Variants in EYA2 observed in about 807,000 individuals in gnomAD.
EYA2 encodes the protein protein phosphatase EYA2.
A neutral mutation model predicts 69.2 loss-of-function variants in EYA2; 31 were observed. The ratio of observed to expected loss-of-function variants is 0.45; its 90% CI spans 0.34 to 0.60. EYA2 has a LOEUF of 0.60. Among genes scored for constraint, EYA2 ranks in the 20% least tolerant of loss-of-function variants. EYA2 has a pLI of 0.02. For missense variants in EYA2, 622 were observed against 701.2 expected, an observed-to-expected ratio of 0.89 and a Z score of 1.28; for synonymous variants, 257 against 279.4, an observed-to-expected ratio of 0.92 and a Z score of 0.80.
At chr20:46,997,229 TACTC>T (rs528120560) in intron 2 of EYA2, among the ~76,000 whole-genome samples, 13 of 152,240 alleles carry the variant, frequency 8.5e-5, no homozygotes, top group Admixed American at 3.3e-4. Context: ...TGATAAAACT[TACTC>T]ACTATCATGA....
At chr20:46,953,250 T>C (rs953128761) in intron 1 of EYA2, among the ~76,000 whole-genome samples, 2 of 152,128 alleles carry the variant, frequency 1.3e-5, no homozygotes, top group African/African-American at 4.8e-5. Context: ...TTAACCCCAC[T>C]TTACACATGG....
chr20:47,085,519 G>A (rs2031867457), intron 7 of EYA2, among the ~76,000 whole-genome samples: 1 of 151,964 alleles, frequency 6.6e-6, no homozygotes, highest in South Asian at 2.1e-4. Context: ...GGTGGTGCAT[G>A]CCTGTAATCC....
At chr20:46,952,523 G>A (rs1239325534) in intron 1 of EYA2, among the ~76,000 whole-genome samples, 1 of 152,202 alleles carries the variant, frequency 6.6e-6, no homozygotes, top group African/African-American at 2.4e-5. Flanking sequence ...CCTTTGTGCA[G>A]CTCTGTGCTT....
chr20:47,080,333 T>C (rs1233306007), intron 7 of EYA2, among the ~76,000 whole-genome samples: 1 of 151,316 alleles, frequency 6.6e-6, no homozygotes, highest in African/African-American at 2.4e-5. Flanking sequence ...GGAATGTCAT[T>C]AAAGCAGTAC....
intron 1 of EYA2, among the ~76,000 whole-genome samples, chr20:46,912,902 T>A (rs888833070): frequency 6.6e-6 from 1 of 151,272 alleles, no homozygotes; most frequent in African/African-American, 2.4e-5. Flanking sequence ...GGGTTTCACC[T>A]TGTTAGCCAG....
intron 1 of EYA2, among the ~76,000 whole-genome samples, chr20:46,908,541 T>G (rs1300049691): frequency 6.6e-6 from 1 of 152,160 alleles, no homozygotes; most frequent in East Asian, 1.9e-4. Context: ...AATTTAAAAA[T>G]GATTTTTCAA....
intron 9 of EYA2, among the ~76,000 whole-genome samples, chr20:47,137,341 G>A (rs2033500228): frequency 6.6e-6 from 1 of 152,160 alleles, no homozygotes; most frequent in Admixed American, 6.5e-5. Flanking sequence ...CTCAAGGAAG[G>A]GGACTGGGGG....
chr20:46,971,816 A>G (rs900147298), intron 1 of EYA2, among the ~76,000 whole-genome samples: 1 of 152,246 alleles, frequency 6.6e-6, no homozygotes, highest in Non-Finnish European at 1.5e-5. Flanking sequence ...TGATCCTTGT[A>G]TGTAACACTG....
At chr20:47,187,980 C>A in intron 15 of EYA2, 73 bp from the exon 16 acceptor site, 2 of 1,478,860 alleles carry the variant, frequency 1.4e-6, no homozygotes, top group Non-Finnish European at 1.8e-6. Flanking sequence ...TCTCACATGC[C>A]CTCTAACCAC....
intron 6 of EYA2, among the ~76,000 whole-genome samples, chr20:47,072,592 A>G (rs1212920981): frequency 6.6e-6 from 1 of 152,162 alleles, no homozygotes; most frequent in African/African-American, 2.4e-5. Flanking sequence ...GGGCTTCTCA[A>G]GGGGGACCGT....
intron 5 of EYA2, among the ~76,000 whole-genome samples, chr20:47,016,867 C>T (rs1290029327): frequency 6.6e-6 from 1 of 152,144 alleles, no homozygotes; most frequent in African/African-American, 2.4e-5. Flanking sequence ...TCACACATGG[C>T]CTTGAGGGAT....
chr20:46,895,215 C>G (rs1983738304), intron 1 of EYA2, among the ~76,000 whole-genome samples: 1 of 152,200 alleles, frequency 6.6e-6, no homozygotes, highest in Non-Finnish European at 1.5e-5. Flanking sequence ...CTCCCAGGCT[C>G]GGGGCCCCAG....
At chr20:47,091,808 A>T (rs1027073075) in intron 8 of EYA2, among the ~76,000 whole-genome samples, 1 of 152,200 alleles carries the variant, frequency 6.6e-6, no homozygotes, top group Non-Finnish European at 1.5e-5. Context: ...GGACAATGAG[A>T]GGAGGCCGTA....
intron 4 of EYA2, among the ~76,000 whole-genome samples, chr20:47,010,824 G>A (rs1345162420): frequency 1.4e-5 from 2 of 143,034 alleles, no homozygotes; most frequent in African/African-American, 5.3e-5. Flanking sequence ...GTCTTGCTGT[G>A]TCTCCCAGGT....
At chr20:47,186,639 G>T (rs6066228) in intron 15 of EYA2, among the ~76,000 whole-genome samples, 1 of 151,728 alleles carries the variant, frequency 6.6e-6, no homozygotes, top group African/African-American at 2.4e-5. Flanking sequence ...GATTACAGGC[G>T]TGAGCCACCA....
At chr20:47,148,073 A>G (rs998092418) in intron 10 of EYA2, among the ~76,000 whole-genome samples, 1 of 151,078 alleles carries the variant, frequency 6.6e-6, no homozygotes, top group Non-Finnish European at 1.5e-5. Flanking sequence ...AAAAAAAAAA[A>G]GAATAAAAAA....
chr20:46,908,870 CTT>C (rs56834738), intron 1 of EYA2, among the ~76,000 whole-genome samples: 89 of 47,564 alleles, frequency 1.9e-3, no homozygotes, highest in South Asian at 3.0e-3. Context: ...CTCTCCCGCA[CTT>C]TTTTTTTTTT....
In EYA2 at chr20:47,023,632, G is replaced by GTTTTTTT. The variant is rs60939329; in HGVS notation, c.415+7351_415+7357dup. Among the ~76,000 whole-genome samples, 542 of 90,004 alleles carry GTTTTTTT rather than the reference G, an allele frequency of 6.0e-3. 18 individuals are homozygous for GTTTTTTT. The highest frequency in any genetic ancestry group is 7.4e-3 in the Non-Finnish European group (342 of 46,312). The allele number at this position is 90,004 out of a possible 152,430, so 59.0% of individuals were successfully genotyped here. ...CATCTCCAGAAGTTTGATTTTGGGT[G>GTTTTTTT]TTTTTTTTTTTTTTTTTTTTTTGAA... On this transcript the variant is annotated intron_variant, in intron 5 of 15. Coordinates refer to ENST00000327619, the MANE Select transcript of EYA2 (RefSeq NM_005244.5).
At chr20:47,184,157 T>G (rs1397930770) in intron 15 of EYA2, among the ~76,000 whole-genome samples, 2 of 152,104 alleles carry the variant, frequency 1.3e-5, no homozygotes, top group African/African-American at 4.8e-5. Context: ...TCCTCCCCTT[T>G]CCTGGGAGAT....
Sources: gnomAD v4.1 joint callset for allele counts (sites outside exome capture counted in the v4.1 genomes callset) on GRCh38, gnomAD v4.1.1 for gene constraint, MANE v1.5 for transcripts, NCBI Gene and HGNC (gene_info 2026-07-23, HGNC 2026-07-21) for gene names.